Variants in CDH13 observed in about 807,000 individuals in gnomAD.
CDH13 encodes cadherin-13.
A neutral mutation model predicts 63.8 loss-of-function variants in CDH13; 24 were observed. The ratio of observed to expected loss-of-function variants is 0.38; its 90% confidence interval spans 0.27 to 0.53. The LOEUF is 0.53. Ranked by LOEUF, CDH13 falls within the 20% of genes least tolerant of loss-of-function variation. The probability of loss-of-function intolerance (pLI) is 0.85; values close to 1 mark genes in which losing one functional copy is unlikely to be tolerated. For missense variants in CDH13, 1,049 were observed against 903.1 expected, an observed-to-expected ratio of 1.16 and a Z score of -2.07; for synonymous variants, 503 against 355.3, an observed-to-expected ratio of 1.42 and a Z score of -4.67.
chr16:83,089,791 C>A (rs1366712023), intron 3 of CDH13, among the ~76,000 whole-genome samples: 1 of 152,174 alleles, frequency 6.6e-6, no homozygotes, highest in Non-Finnish European at 1.5e-5. Context: ...AGTTTCAGGA[C>A]TTATATAGAT....
At chr16:83,547,076 G>C (rs1360716314) in intron 7 of CDH13, among the ~76,000 whole-genome samples, 3 of 152,198 alleles carry the variant, frequency 2.0e-5, no homozygotes, top group African/African-American at 7.2e-5. Flanking sequence ...AAAGGTGAAT[G>C]TGTCAAGCAC....
At position 83,602,129 on chromosome 16, in the gene CDH13, AAAAAAAAAAAAAAAC is replaced by A. The variant is rs1231914295; in HGVS notation, c.961-324_961-310del. 1.0e-3 allele frequency among the ~76,000 whole-genome samples: 105 copies of A among 104,140 alleles called. 2 individuals are homozygous for A. The East Asian group carries it at 0.023, about 22-fold the overall frequency. 68.3% of individuals were successfully genotyped at this position (104,140 alleles called of 152,430 possible). On this transcript the variant is annotated intron_variant, in intron 7 of 13. Transcript: ENST00000567109. Reference sequence around the variant, plus strand: ...CAACAAAAAAAAAAAAAAAAAAAAAAAAAAAAAAAAAAAACCCAAAGGACAATGTATACCCAAGCC... The same window carrying A: ...CAACAAAAAAAAAAAAAAAAAAAAAACCAAAGGACAATGTATACCCAAGCC...
intron 5 of CDH13, among the ~76,000 whole-genome samples, chr16:83,315,775 T>C (rs2090092739): frequency 6.6e-6 from 1 of 152,156 alleles, no homozygotes; most frequent in African/African-American, 2.4e-5. Context: ...TATATCTAAA[T>C]TATTAGTGTG....
chr16:83,582,716 G>T (rs910581031), intron 7 of CDH13, among the ~76,000 whole-genome samples: 1 of 152,136 alleles, frequency 6.6e-6, no homozygotes, highest in African/African-American at 2.4e-5. Flanking sequence ...GTGTGCTGAC[G>T]GCCAGTGGAA....
At chr16:83,616,932 TCCCTTCTTC>T in intron 8 of CDH13, among the ~76,000 whole-genome samples, 1 of 152,316 alleles carries the variant, frequency 6.6e-6, no homozygotes, top group African/African-American at 2.4e-5. Context: ...CACACTCTGT[TCCCTTCTTC>T]CCGGAATGCC....
At chr16:83,324,432 C>T (rs1207677517) in intron 5 of CDH13, among the ~76,000 whole-genome samples, 1 of 152,196 alleles carries the variant, frequency 6.6e-6, no homozygotes, top group African/African-American at 2.4e-5. Context: ...CTCTAAACAA[C>T]CACCAGTCTA....
chr16:82,792,778 A>G (rs969104067), intron 1 of CDH13, among the ~76,000 whole-genome samples: 2 of 152,164 alleles, frequency 1.3e-5, no homozygotes, highest in Non-Finnish European at 2.9e-5. Context: ...TAGTTGAATG[A>G]CTGTTTATTT....
intron 10 of CDH13, among the ~76,000 whole-genome samples, chr16:83,680,605 C>G (rs766364400): frequency 6.6e-6 from 1 of 152,046 alleles, no homozygotes; most frequent in Non-Finnish European, 1.5e-5. Flanking sequence ...TTCATCCTAC[C>G]GCTGTGTGAG....
At chr16:82,915,090 T>C (rs1347193747) in intron 2 of CDH13, among the ~76,000 whole-genome samples, 1 of 152,234 alleles carries the variant, frequency 6.6e-6, no homozygotes, top group Non-Finnish European at 1.5e-5. Context: ...AGTGATGAAA[T>C]GTAACCCTGA....
chr16:82,643,074 C>T (rs138278317), intron 1 of CDH13, among the ~76,000 whole-genome samples: 1 of 152,262 alleles, frequency 6.6e-6, no homozygotes, highest in African/African-American at 2.4e-5. Flanking sequence ...GGAGTTACTG[C>T]TAATGGGTAT....
chr16:82,934,606 A>T (rs562493573), intron 2 of CDH13, among the ~76,000 whole-genome samples: 1 of 152,324 alleles, frequency 6.6e-6, no homozygotes, highest in African/African-American at 2.4e-5. Flanking sequence ...TTGCATTGTC[A>T]GGTTGCAAAT....
chr16:82,875,862 A>T (rs1335935633), intron 2 of CDH13, among the ~76,000 whole-genome samples: 3 of 152,226 alleles, frequency 2.0e-5, no homozygotes, highest in African/African-American at 4.8e-5. Flanking sequence ...CACACTGCTG[A>T]TACAGACATA....
intron 6 of CDH13, among the ~76,000 whole-genome samples, chr16:83,371,968 G>A (rs1022738569): frequency 1.3e-5 from 2 of 152,206 alleles, no homozygotes; most frequent in African/African-American, 4.8e-5. Context: ...CAGATATATA[G>A]GGATACCTTT....
intron 7 of CDH13, among the ~76,000 whole-genome samples, chr16:83,532,450 T>C (rs921773571): frequency 6.6e-6 from 1 of 152,148 alleles, no homozygotes; most frequent in South Asian, 2.1e-4. Context: ...TAATAAAATG[T>C]TACTGGATAA....
chr16:82,863,496 G>C (rs1049542451), intron 2 of CDH13, among the ~76,000 whole-genome samples: 1 of 152,138 alleles, frequency 6.6e-6, no homozygotes, highest in Non-Finnish European at 1.5e-5. Context: ...TCATCTATTA[G>C]CTCTGTGGCC....
At chr16:83,336,312 A>AAGAAG (rs1555531893) in intron 5 of CDH13, among the ~76,000 whole-genome samples, 1 of 143,820 alleles carries the variant, frequency 7.0e-6, no homozygotes, top group Non-Finnish European at 1.5e-5. Flanking sequence ...AAAAAAAAAA[A>AAGAAG]AAAAAAGAAA....
intron 5 of CDH13, among the ~76,000 whole-genome samples, chr16:83,270,977 C>G (rs1442283722): frequency 1.4e-5 from 2 of 147,180 alleles, no homozygotes; most frequent in East Asian, 2.2e-4. Context: ...CTCTCTCCTT[C>G]CCTTCTTTTC....
chr16:83,386,127 C>T (rs926535912), intron 6 of CDH13, among the ~76,000 whole-genome samples: 6 of 152,162 alleles, frequency 3.9e-5, no homozygotes, highest in African/African-American at 1.4e-4. Flanking sequence ...AGAAACATGT[C>T]GCTGTTGAGG....
chr16:83,217,991 G>A (rs1250483392), intron 5 of CDH13, among the ~76,000 whole-genome samples: 1 of 152,166 alleles, frequency 6.6e-6, no homozygotes, highest in Non-Finnish European at 1.5e-5. Context: ...TGTGTTATAT[G>A]GGAGAGATTC....
Sources: gnomAD v4.1 joint callset for allele counts (sites outside exome capture counted in the v4.1 genomes callset) on GRCh38, gnomAD v4.1.1 for gene constraint, MANE v1.5 for transcripts, NCBI Gene and HGNC (gene_info 2026-07-23, HGNC 2026-07-21) for gene names.